The following SETX variants were observed in gnomAD, a reference collection of about 807,000 sequenced individuals.
The protein encoded by SETX is helicase senataxin.
A neutral mutation model predicts 227.2 loss-of-function variants in SETX; 90 were observed. That is an observed-to-expected ratio of 0.40 (90% CI 0.33 to 0.47). The LOEUF (loss-of-function observed/expected upper bound fraction) is 0.47, where lower values mean the gene tolerates loss of function less well. Among genes scored for constraint, SETX ranks in the 20% least tolerant of loss-of-function variants. SETX has a pLI of 0.91. For missense variants in SETX, 3,052 were observed against 3,181.5 expected (o/e 0.96, Z 0.98); for synonymous variants, 1,210 against 1,113.2 (o/e 1.09, Z -1.73).
intron 11 of SETX, among the ~76,000 whole-genome samples, chr9:132,302,605 A>G (rs1306422186): frequency 7.1e-6 from 1 of 140,748 alleles, no homozygotes; most frequent in Non-Finnish European, 1.5e-5. Context: ...GATTGCTGTG[A>G]GCCAAGATTG....
intron 2 of SETX, among the ~76,000 whole-genome samples, chr9:132,349,871 C>G (rs1848513421): frequency 1.3e-5 from 2 of 152,152 alleles, no homozygotes; most frequent in Admixed American, 1.3e-4. Context: ...ATGTCACCCT[C>G]AAAGAGATCT....
chr9:132,328,187 G>A lies in SETX; in HGVS notation c.3411C>T (p.Gly1137=), dbSNP rs1846965315. 1.2e-6 allele frequency: 2 copies of A among 1,614,092 alleles called. No individual in the cohort carries two copies. The highest frequency in any genetic ancestry group is 2.7e-5 in the African/African-American group (2 of 75,032). Residue 1137 remains glycine, a synonymous_variant, in exon 10 of 26, where the codon GGC becomes GGT. Coordinates refer to ENST00000224140, the MANE Select transcript of SETX (RefSeq NM_015046.7). ...TCCGTGGTCTTGTGTGTTCTTCAAT[G>A]CCCTCTGCTCCTTTTTTAACAACTT... ...VSEVVKKGAE[G]IEEHTRPRSI...
rs531485265 is a variant in SETX, at chr9:132,269,711, T to TA, written c.7200-10dup. ...GCAAACTTGCCAGGAATCTAGGCAA[T>TA]AAAAAAAGAGTTCCTTCTTTGTCTA... On this transcript the variant is annotated splice_polypyrimidine_tract_variant and intron_variant, in intron 24 of 25. Coordinates refer to ENST00000224140, the MANE Select transcript of SETX (RefSeq NM_015046.7). 1,946 of 1,613,426 alleles carry TA rather than the reference T, an allele frequency of 1.2e-3. 2 individuals carry two copies. Among genetic ancestry groups the TA allele is most frequent in the Admixed American group, 2.2e-3 (133 of 60,000 alleles).
rs1254698033 is a variant in SETX, at chr9:132,302,523, CGTG to C, written c.5375-1723_5375-1721del. On this transcript the variant is annotated intron_variant, in intron 11 of 25. Transcript: ENST00000224140. ...AAAAATACAAAAATTAGCCAGGCGT[CGTG>C]GCAGGCGCCTGTAATCCCAGCTACT... Among the ~76,000 whole-genome samples the C allele has an allele frequency of 2.0e-5, 3 of 149,458 alleles. No homozygotes were observed. In the East Asian group the frequency reaches 6.0e-4, roughly 30 times the overall value.
In SETX at chr9:132,279,319, C is replaced by T. The variant is rs147519111; in HGVS notation, c.6655-1062G>A. 7.8e-4 allele frequency among the ~76,000 whole-genome samples: 119 copies of T among 151,984 alleles called. 1 individual carries two copies. The highest frequency in any genetic ancestry group is 2.2e-3 in the African/African-American group (91 of 41,410). Reference sequence around the variant, plus strand: ...TAGGAGATACACCTAATGTAAATGACGAGTTAATGGGTGCAGCACACCAAC... The same window carrying T: ...TAGGAGATACACCTAATGTAAATGATGAGTTAATGGGTGCAGCACACCAAC... On this transcript the variant is annotated intron_variant, in intron 20 of 25. Coordinates refer to ENST00000224140, the MANE Select transcript of SETX (RefSeq NM_015046.7).
intron 18 of SETX, among the ~76,000 whole-genome samples, chr9:132,285,188 C>T (rs1011000606): frequency 6.6e-6 from 1 of 151,760 alleles, no homozygotes; most frequent in African/African-American, 2.4e-5. Context: ...AAGCTATTTT[C>T]ATTAACTGTT....
At position 132,327,078 on chromosome 9, in the gene SETX, T is replaced by G. The variant is rs138195434; in HGVS notation, c.4520A>C (p.Asp1507Ala). 3.7e-5 allele frequency: 60 copies of G among 1,614,066 alleles called. No homozygotes were observed. The African/African-American group carries it at 6.7e-4, about 18-fold the overall frequency. Residue 1507 changes from aspartate to alanine, a missense_variant, in exon 10 of 26, where the codon GAT (aspartate) becomes GCT (alanine). Coordinates refer to ENST00000224140, the MANE Select transcript of SETX (RefSeq NM_015046.7). The stretch of plus-strand genomic sequence containing the variant: ...GTCATTCTCCATTTGTGAACATAAA[T>G]CCATATCTTCAGGATCATTTTGGGT... ...FLTQNDPEDM[D>A]LCSQMENDNY...
chr9:132,300,640 G>A lies in SETX; in HGVS notation c.5538C>T (p.Arg1846=). 6.2e-7 allele frequency: 1 copy of A among 1,613,588 alleles called. No individual in the cohort carries two copies. Among genetic ancestry groups the A allele is most frequent in the South Asian group, 1.1e-5 (1 of 91,074 alleles). ...TCATTATTTACTTACTGACTGACGT[G>A]CGGCGAAATTTATGAACATAACCAG... ...YHSGYVHKFR[R]TSVMRNGKTE... is the part of the protein sequence containing the mutation. Residue 1846 remains arginine (R), a synonymous_variant, in exon 12 of 26, where the codon CGC becomes CGT. Coordinates refer to ENST00000224140, the MANE Select transcript of SETX (RefSeq NM_015046.7).
In SETX at chr9:132,281,560, A is replaced by C. The variant is rs748996038; in HGVS notation, c.6561T>G (p.Cys2187Trp). ...CVIVDEAGQS[C>W]EIETLTPLIH... ...TGAGTGGAGTAAGAGTCTCAATTTC[A>C]CAAGACTGTCCAGCCTTGGTAAGAT... The change falls in exon 20 of 26, where the codon TGT becomes TGG. Residue 2187 changes from cysteine (C) to tryptophan (W), a missense_variant. Physicochemically the swap from Cys to Trp is radical, Grantham distance 215 (BLOSUM62 -2). Transcript: ENST00000224140. 2 of 1,613,080 alleles carry C rather than the reference A, an allele frequency of 1.2e-6. No homozygotes were observed. The highest frequency in any genetic ancestry group is 2.2e-5 in the South Asian group (2 of 91,048).
upstream of SETX, among the ~76,000 whole-genome samples, chr9:132,355,258 G>T (rs968565500): frequency 1.3e-5 from 2 of 152,108 alleles, no homozygotes; most frequent in African/African-American, 4.8e-5. Context: ...CCCCGCCCGG[G>T]GCTTCCTGCG....
chr9:132,330,591 C>T, intron 9 of SETX, 92 bp from the exon 10 acceptor site: 1 of 1,098,422 alleles, frequency 9.1e-7, no homozygotes, highest in Non-Finnish European at 1.3e-6. Context: ...CGTTTCTCAA[C>T]TCTCTTATTT....
chr9:132,274,011 G>GC (rs1328288656), intron 23 of SETX, among the ~76,000 whole-genome samples: 1 of 149,460 alleles, frequency 6.7e-6, no homozygotes, highest in Non-Finnish European at 1.5e-5. Context: ...TGGGTTCCGT[G>GC]CAACTTTTTT....
chr9:132,292,057 A>AT (rs1589658634), intron 15 of SETX, among the ~76,000 whole-genome samples: 2 of 152,232 alleles, frequency 1.3e-5, no homozygotes, highest in South Asian at 4.1e-4. Flanking sequence ...AAAATAATTT[A>AT]TTTTTTCTGG....
At chr9:132,322,818 A>G (rs1288050379) in intron 10 of SETX, among the ~76,000 whole-genome samples, 1 of 131,534 alleles carries the variant, frequency 7.6e-6, no homozygotes, top group Non-Finnish European at 1.6e-5. Context: ...AAAAAGAGAA[A>G]AACTTTTAGC....
intron 20 of SETX, among the ~76,000 whole-genome samples, 180 bp from the exon 21 acceptor site, chr9:132,278,437 CTTTTTTTTTTTTTTTTTTT>C (rs67558000): frequency 7.5e-4 from 64 of 84,858 alleles, no homozygotes; most frequent in East Asian, 2.2e-3. Context: ...TGCCATGAAT[CTTTTTTTTTTTTTTTTTTT>C]TTTTTTTTTT....
At position 132,327,451 on chromosome 9, in the gene SETX, T is replaced by G. The variant is rs1306044826; in HGVS notation, c.4147A>C (p.Asn1383His). 1 of 1,614,194 alleles carries G rather than the reference T, an allele frequency of 6.2e-7. No homozygotes were observed. The highest frequency in any genetic ancestry group is 1.1e-5 in the South Asian group (1 of 91,086). Residue 1383 changes from asparagine to histidine, a missense_variant, in exon 10 of 26, where the codon AAT becomes CAT. Physicochemically the swap from Asn to His is moderately conservative, Grantham distance 68. Transcript: ENST00000224140. ...VKRAGSHTAQNSDIFVPESDR... is the reference protein window; with the variant it reads ...VKRAGSHTAQHSDIFVPESDR... ...GATTCTGGTACAAATATGTCAGAAT[T>G]CTGTGCTGTATGTGACCCTGCTCTT...
In SETX at chr9:132,329,443, A is replaced by G; in HGVS notation, c.2155T>C (p.Ser719Pro). 1 of 1,613,350 alleles carries G rather than the reference A, an allele frequency of 6.2e-7. No individual in the cohort carries two copies. The highest frequency in any genetic ancestry group is 8.5e-7 in the Non-Finnish European group (1 of 1,179,896). The change falls in exon 10 of 26, where the codon TCT becomes CCT. Residue 719 changes from serine to proline, a missense_variant. This residue lies in a region of SETX where 1,483 missense variants were observed against 1,312.0 expected (regional missense o/e 1.13). Coordinates refer to ENST00000224140, the MANE Select transcript of SETX (RefSeq NM_015046.7). ...TRKQKSVKEI[S>P]SYTPKDCTSR... is the part of the protein sequence containing the mutation. ...GTACAGTCCTTTGGTGTATATGAAG[A>G]GATCTCTTTTACAGACTTCTGCTTC...
chr9:132,299,822 T>C (rs1401169322), intron 12 of SETX, among the ~76,000 whole-genome samples: 1 of 151,988 alleles, frequency 6.6e-6, no homozygotes, highest in Non-Finnish European at 1.5e-5. Context: ...TTTGGGGCTT[T>C]GGGGAAGATT....
Position 132,349,431 on chromosome 9 carries a change from T to C in SETX, c.-3A>G, listed in dbSNP as rs1320789709. 5.6e-6 allele frequency: 9 copies of C among 1,614,084 alleles called. No homozygotes were observed. Among genetic ancestry groups the C allele is most frequent in the Admixed American group, 3.3e-5 (2 of 60,000 alleles). ...GTACACCAACAACATGTGCTCATTC[T>C]GTACCTACAGCCAGAAAAGATGACA... is the stretch of plus-strand genomic sequence containing the variant. On this transcript the variant is annotated 5_prime_UTR_variant, in exon 3 of 26. Transcript: ENST00000224140.
Sources: allele counts gnomAD v4.1 joint callset (sites outside exome capture counted in the v4.1 genomes callset), GRCh38; gene constraint gnomAD v4.1.1; regional missense constraint gnomAD v4.1.1; transcripts MANE v1.5; gene names NCBI Gene and HGNC (gene_info 2026-07-23, HGNC 2026-07-21).